The following ADK variants were observed in gnomAD, a reference collection of about 807,000 sequenced individuals.
ADK encodes N6,N6-dimethyladenosine kinase.
Under a neutral mutation model 44.7 loss-of-function variants are expected in ADK, and 24 were observed. That is an observed-to-expected ratio of 0.54 (90% CI 0.39 to 0.76). The LOEUF (loss-of-function observed/expected upper bound fraction) is 0.76. Ranked by LOEUF, ADK falls within the 30% of genes least tolerant of loss-of-function variation. The pLI is 0.00. For synonymous variants in ADK, 128 were observed against 142.6 expected, an observed-to-expected ratio of 0.90 and a Z score of 0.73; for missense variants, 321 against 425.1, an observed-to-expected ratio of 0.76 and a Z score of 2.15.
chr10:74,549,297 C>T (rs1215689159), intron 7 of ADK, among the ~76,000 whole-genome samples: 1 of 152,184 alleles, frequency 6.6e-6, no homozygotes, highest in East Asian at 1.9e-4. Context: ...TAGATCCAAT[C>T]TTTTCTTTGA....
intron 7 of ADK, chr10:74,527,822 C>T: frequency 7.6e-7 from 1 of 1,313,952 alleles, no homozygotes; most frequent in Non-Finnish European, 1.1e-6. Flanking sequence ...AATAGAGTGG[C>T]CCTCTTGCTT....
chr10:74,497,703 C>G (rs1327342887), intron 6 of ADK, among the ~76,000 whole-genome samples: 1 of 152,144 alleles, frequency 6.6e-6, no homozygotes, highest in Non-Finnish European at 1.5e-5. Context: ...CAGTGGTACA[C>G]TCCTGTAGTC....
At chr10:74,513,921 A>G (rs1393450945) in intron 6 of ADK, among the ~76,000 whole-genome samples, 2 of 152,010 alleles carry the variant, frequency 1.3e-5, no homozygotes, top group Middle Eastern at 3.2e-3. Context: ...TTATAGTTTC[A>G]CATATTTTCA....
intron 4 of ADK, among the ~76,000 whole-genome samples, chr10:74,327,081 G>A (rs1230558370): frequency 2.0e-5 from 3 of 151,486 alleles, no homozygotes; most frequent in Non-Finnish European, 4.4e-5. Context: ...TTTGGAGTTT[G>A]GCTTGTTCTT....
At chr10:74,284,403 T>G (rs374825579) in intron 3 of ADK, among the ~76,000 whole-genome samples, 1 of 152,052 alleles carries the variant, frequency 6.6e-6, no homozygotes, top group African/African-American at 2.4e-5. Flanking sequence ...TAGCTGGGAT[T>G]ACAGACGTGT....
At chr10:74,223,177 T>TA (rs1844391714) in intron 2 of ADK, among the ~76,000 whole-genome samples, 1 of 152,156 alleles carries the variant, frequency 6.6e-6, no homozygotes, top group South Asian at 2.1e-4. Context: ...TTCTTGCTGA[T>TA]AGTGACTCTA....
chr10:74,403,800 A>C (rs1461947143), intron 6 of ADK, among the ~76,000 whole-genome samples: 1 of 152,178 alleles, frequency 6.6e-6, no homozygotes, highest in Non-Finnish European at 1.5e-5. Context: ...TTGGAAATGC[A>C]GAAATCACCC....
At chr10:74,481,879 T>C (rs1026814665) in intron 6 of ADK, among the ~76,000 whole-genome samples, 3 of 152,224 alleles carry the variant, frequency 2.0e-5, no homozygotes, top group Non-Finnish European at 2.9e-5. Context: ...CAATTAATGG[T>C]CTTAACTCAG....
chr10:74,427,256 T>C (rs772307978), intron 6 of ADK, among the ~76,000 whole-genome samples: 12 of 152,134 alleles, frequency 7.9e-5, no homozygotes, highest in South Asian at 2.1e-4. Context: ...TGGAGTGCAG[T>C]GGCGTGATCT....
intron 6 of ADK, among the ~76,000 whole-genome samples, chr10:74,475,085 A>G (rs1353186563): frequency 6.6e-6 from 1 of 152,132 alleles, no homozygotes; most frequent in Non-Finnish European, 1.5e-5. Context: ...AGTTCACGCC[A>G]CTGCACTCCA....
intron 6 of ADK, among the ~76,000 whole-genome samples, chr10:74,449,122 A>AG (rs761760197): frequency 2.6e-5 from 4 of 152,324 alleles, no homozygotes; most frequent in Admixed American, 6.5e-5. Flanking sequence ...GCAACCAGGA[A>AG]GGGGAGAAAG....
intron 6 of ADK, among the ~76,000 whole-genome samples, chr10:74,454,994 CAG>C (rs1376523514): frequency 4.6e-5 from 7 of 152,142 alleles, no homozygotes; most frequent in African/African-American, 1.7e-4. Flanking sequence ...AGGGGACAGT[CAG>C]AGAGACCTTC....
chr10:74,534,131 G>A (rs1053241477), intron 7 of ADK, among the ~76,000 whole-genome samples: 10 of 152,212 alleles, frequency 6.6e-5, no homozygotes, highest in Admixed American at 6.5e-4. Context: ...CTATGAGGCA[G>A]TGATCACAAA....
At chr10:74,323,657 A>T (rs1488453147) in intron 4 of ADK, among the ~76,000 whole-genome samples, 3 of 145,320 alleles carry the variant, frequency 2.1e-5, no homozygotes, top group African/African-American at 5.1e-5. Flanking sequence ...TGTAATCTCC[A>T]CCTCCCGGGG....
intron 2 of ADK, among the ~76,000 whole-genome samples, chr10:74,212,836 G>C (rs1321803718): frequency 5.6e-5 from 3 of 53,774 alleles, no homozygotes; most frequent in Non-Finnish European, 1.0e-4. Flanking sequence ...GTTGGGAAGA[G>C]AGTGCAGTAA....
At chr10:74,488,179 G>A (rs1238236533) in intron 6 of ADK, among the ~76,000 whole-genome samples, 1 of 151,952 alleles carries the variant, frequency 6.6e-6, no homozygotes, top group African/African-American at 2.4e-5. Context: ...AAGGAGAATG[G>A]AAGGAGACTT....
chr10:74,286,710 G>C (rs1020668560), intron 3 of ADK, among the ~76,000 whole-genome samples: 2 of 152,190 alleles, frequency 1.3e-5, no homozygotes, highest in African/African-American at 4.8e-5. Context: ...GCAGGAGTAT[G>C]GTTCTTATAT....
intron 3 of ADK, among the ~76,000 whole-genome samples, chr10:74,237,143 A>C (rs1844997330): frequency 6.6e-6 from 1 of 152,218 alleles, no homozygotes; most frequent in Non-Finnish European, 1.5e-5. Flanking sequence ...CATGTTACCC[A>C]CAGTAGAATT....
intron 9 of ADK, among the ~76,000 whole-genome samples, chr10:74,662,859 C>T (rs1289041870): frequency 6.6e-6 from 1 of 152,124 alleles, no homozygotes; most frequent in African/African-American, 2.4e-5. Flanking sequence ...GAAGTAATAC[C>T]TATGTAAATT....
Sources: allele counts gnomAD v4.1 joint callset (sites outside exome capture counted in the v4.1 genomes callset), GRCh38; gene constraint gnomAD v4.1.1; transcripts MANE v1.5; gene names NCBI Gene and HGNC (gene_info 2026-07-23, HGNC 2026-07-21).